OR51B5: variants seen among roughly 807,000 people sequenced by gnomAD.
OR51B5 encodes the protein olfactory receptor 51B5.
For synonymous variants in OR51B5, 186 were observed against 144.8 expected, an observed-to-expected ratio of 1.28 and a Z score of -2.04; for missense variants, 456 against 374.6, an observed-to-expected ratio of 1.22 and a Z score of -1.79.
intron 1 of OR51B5, among the ~76,000 whole-genome samples, chr11:5,386,685 T>A (rs1222120740): frequency 1.3e-5 from 2 of 151,990 alleles, no homozygotes; most frequent in African/African-American, 4.8e-5. Flanking sequence ...GAGCCTGGCT[T>A]TGCATGTTGA....
At chr11:5,416,036 T>G (rs1850238777) in intron 1 of OR51B5, among the ~76,000 whole-genome samples, 1 of 148,212 alleles carries the variant, frequency 6.7e-6, no homozygotes, top group Non-Finnish European at 1.5e-5. Context: ...AATAAAATAC[T>G]GGCAAAACGA....
chr11:5,487,238 C>T (rs148974493), intron 1 of OR51B5, among the ~76,000 whole-genome samples: 91 of 152,088 alleles, frequency 6.0e-4, no homozygotes, highest in African/African-American at 2.1e-3. Flanking sequence ...TCTCTTTTAT[C>T]GAGAGTATAT....
At chr11:5,493,526 A>C (rs1851606889) in intron 1 of OR51B5, among the ~76,000 whole-genome samples, 1 of 152,192 alleles carries the variant, frequency 6.6e-6, no homozygotes, top group Admixed American at 6.5e-5. Context: ...TAACAGTTTG[A>C]GTCTAGGTCG....
At chr11:5,499,124 A>C (rs1851687104) in intron 1 of OR51B5, among the ~76,000 whole-genome samples, 1 of 152,234 alleles carries the variant, frequency 6.6e-6, no homozygotes, top group African/African-American at 2.4e-5. Flanking sequence ...ATGACAGGGC[A>C]CAAAGTTCAA....
intron 1 of OR51B5, among the ~76,000 whole-genome samples, chr11:5,387,444 G>A (rs1245783113): frequency 6.6e-6 from 1 of 152,052 alleles, no homozygotes; most frequent in Non-Finnish European, 1.5e-5. Context: ...AAATGGAAAA[G>A]ATAAATGTGG....
At chr11:5,358,321 A>C (rs1458031732) in intron 1 of OR51B5, among the ~76,000 whole-genome samples, 2 of 151,664 alleles carry the variant, frequency 1.3e-5, no homozygotes, top group Non-Finnish European at 2.9e-5. Flanking sequence ...ATCACCACCG[A>C]TCCCACAGAA....
intron 1 of OR51B5, among the ~76,000 whole-genome samples, chr11:5,409,787 C>T (rs1850115942): frequency 6.6e-6 from 1 of 152,226 alleles, no homozygotes; most frequent in Non-Finnish European, 1.5e-5. Flanking sequence ...TGGTAAAACG[C>T]ATCAATCCAT....
chr11:5,432,633 A>T (rs1195663737), intron 1 of OR51B5, among the ~76,000 whole-genome samples: 1 of 152,206 alleles, frequency 6.6e-6, no homozygotes, highest in Non-Finnish European at 1.5e-5. Flanking sequence ...TAAACTGGGG[A>T]TTAAAATACA....
chr11:5,394,219 C>G (rs1343387055), intron 1 of OR51B5, among the ~76,000 whole-genome samples: 3 of 152,030 alleles, frequency 2.0e-5, no homozygotes, highest in South Asian at 2.1e-4. Flanking sequence ...CTATAAGTCA[C>G]TTTATCTTGA....
intron 1 of OR51B5, among the ~76,000 whole-genome samples, chr11:5,458,630 T>C (rs1281582968): frequency 6.6e-6 from 1 of 152,194 alleles, no homozygotes; most frequent in Non-Finnish European, 1.5e-5. Context: ...CTCTGATTTC[T>C]TTCAACAGTG....
intron 1 of OR51B5, among the ~76,000 whole-genome samples, chr11:5,458,897 A>G (rs1590008801): frequency 1.3e-5 from 2 of 152,334 alleles, no homozygotes; most frequent in East Asian, 3.9e-4. Context: ...TGTCATTTGA[A>G]AATAGGGATA....
intron 1 of OR51B5, among the ~76,000 whole-genome samples, chr11:5,418,877 T>TATAAA (rs1850283459): frequency 7.5e-6 from 1 of 133,636 alleles, no homozygotes; most frequent in South Asian, 2.5e-4. Context: ...TGAAGTATTA[T>TATAAA]AAAAAAAAAA....
intron 1 of OR51B5, among the ~76,000 whole-genome samples, chr11:5,483,501 G>A (rs1211808012): frequency 1.9e-5 from 2 of 103,442 alleles, no homozygotes; most frequent in African/African-American, 7.8e-5. Context: ...AAAACTTAAA[G>A]TATAATTAAA....
At chr11:5,433,211 C>A (rs964166470) in intron 1 of OR51B5, among the ~76,000 whole-genome samples, 1 of 152,060 alleles carries the variant, frequency 6.6e-6, no homozygotes, top group Admixed American at 6.6e-5. Flanking sequence ...AACAAAGACA[C>A]AGAGATACAA....
intron 1 of OR51B5, among the ~76,000 whole-genome samples, chr11:5,463,224 C>G (rs572074398): frequency 6.6e-6 from 1 of 152,338 alleles, no homozygotes; most frequent in Admixed American, 6.5e-5. Flanking sequence ...ATTCAGGCGT[C>G]AGTTGACAAT....
intron 1 of OR51B5, among the ~76,000 whole-genome samples, chr11:5,372,719 A>G (rs1293336062): frequency 6.6e-6 from 1 of 152,076 alleles, no homozygotes; most frequent in African/African-American, 2.4e-5. Flanking sequence ...CCTTTTGATG[A>G]TTGTTTTCTT....
chr11:5,367,650 C>G (rs142740647), intron 1 of OR51B5, among the ~76,000 whole-genome samples: 1,711 of 152,214 alleles, frequency 0.011, 16 homozygotes, highest in Non-Finnish European at 0.015. Context: ...CTTGTGCCAA[C>G]CTCTTATCTC....
At chr11:5,495,655 AAAC>A (rs1478862389) in intron 1 of OR51B5, among the ~76,000 whole-genome samples, 1 of 151,688 alleles carries the variant, frequency 6.6e-6, no homozygotes, top group African/African-American at 2.4e-5. Flanking sequence ...TCAAAAAGGA[AAAC>A]AAGAAGAGAG....
chr11:5,423,932 C>T (rs1019020553), intron 1 of OR51B5, among the ~76,000 whole-genome samples: 4 of 152,020 alleles, frequency 2.6e-5, no homozygotes. Flanking sequence ...TTTTTTCATA[C>T]TTTTATGTTC....
Sources: allele counts gnomAD v4.1 joint callset (sites outside exome capture counted in the v4.1 genomes callset), GRCh38; gene constraint gnomAD v4.1.1; transcripts MANE v1.5; gene names NCBI Gene and HGNC (gene_info 2026-07-23, HGNC 2026-07-21).